KIAA2012: variants seen among roughly 807,000 people sequenced by gnomAD.
KIAA2012 encodes the protein uncharacterized protein KIAA2012.
A neutral mutation model predicts 150.6 loss-of-function variants in KIAA2012; 125 were observed. That is an observed-to-expected ratio of 0.83 (90% confidence interval 0.72 to 0.96). The LOEUF is 0.96. Among genes scored for constraint, KIAA2012 ranks in the 40% least tolerant of loss-of-function variants. The probability of loss-of-function intolerance (pLI) is 0.00; values close to 1 mark genes in which losing one functional copy is unlikely to be tolerated. For synonymous variants in KIAA2012, 462 were observed against 504.7 expected, an observed-to-expected ratio of 0.92 and a Z score of 1.13; for missense variants, 1,219 against 1,354.9, an observed-to-expected ratio of 0.90 and a Z score of 1.57.
chr2:202,196,480 C>T (rs750691505), intron 21 of KIAA2012, among the ~76,000 whole-genome samples: 3 of 151,926 alleles, frequency 2.0e-5, no homozygotes, highest in Non-Finnish European at 4.4e-5. Flanking sequence ...CAGGCGTGAG[C>T]CACCACGCCC....
At chr2:202,164,654 C>T (rs535024516) in intron 14 of KIAA2012, among the ~76,000 whole-genome samples, 1 of 152,334 alleles carries the variant, frequency 6.6e-6, no homozygotes, top group Non-Finnish European at 1.5e-5. Flanking sequence ...AGTCCTCAAC[C>T]TGCCTTCAAG....
chr2:202,099,303 G>C (rs10931991), intron 5 of KIAA2012, among the ~76,000 whole-genome samples: 3 of 152,054 alleles, frequency 2.0e-5, no homozygotes, highest in Non-Finnish European at 4.4e-5. Flanking sequence ...GAAACATTTC[G>C]TAATGGATAA....
chr2:202,173,286 T>C (rs1691930072), intron 15 of KIAA2012, among the ~76,000 whole-genome samples: 1 of 152,180 alleles, frequency 6.6e-6, no homozygotes, highest in Non-Finnish European at 1.5e-5. Context: ...AGGAAAATTA[T>C]AGGCCGGGCC....
intron 14 of KIAA2012, among the ~76,000 whole-genome samples, chr2:202,164,062 A>C (rs577772440): frequency 2.4e-4 from 37 of 152,190 alleles, no homozygotes; most frequent in African/African-American, 8.7e-4. Flanking sequence ...AACAAAGTGG[A>C]AAGGTGACTG....
rs1691333903 is a variant in KIAA2012, at chr2:202,147,871, A to C, written c.1909-6802A>C. 2.0e-5 allele frequency among the ~76,000 whole-genome samples: 3 copies of C among 152,114 alleles called. No homozygotes were observed. The East Asian group carries it at 5.8e-4, about 29-fold the overall frequency. On this transcript the variant is annotated intron_variant, in intron 13 of 23. Coordinates refer to ENST00000498697, the MANE Select transcript of KIAA2012 (RefSeq NM_001277372.4). ...TTCACCCCTCGACGTCCCATCTCCC[A>C]GTCTAAAATAGAATGTGTCATCTCT... is the stretch of plus-strand genomic sequence containing the variant.
At chr2:202,135,867 T>G in intron 12 of KIAA2012, 1 of 186,010 alleles carries the variant, frequency 5.4e-6, no homozygotes, top group Non-Finnish European at 1.2e-5. Flanking sequence ...GAGGGGAAAG[T>G]GCAAGACACT....
chr2:202,134,050 C>T (rs533358248), intron 12 of KIAA2012, among the ~76,000 whole-genome samples: 4 of 152,046 alleles, frequency 2.6e-5, no homozygotes, highest in Admixed American at 1.3e-4. Flanking sequence ...AACACAAAAC[C>T]ATGAAGTGAC....
chr2:202,110,613 T>TATATATATATAA, intron 10 of KIAA2012, among the ~76,000 whole-genome samples: 1 of 152,272 alleles, frequency 6.6e-6, no homozygotes, highest in African/African-American at 2.4e-5. Flanking sequence ...GAAAGAGGTA[T>TATATATATATAA]CTCTGTTAAC....
Position 202,109,927 on chromosome 2 carries a change from G to C in KIAA2012, c.1651+138G>C, listed in dbSNP as rs1690303216. 7.9e-6 allele frequency: 6 copies of C among 757,414 alleles called. No homozygotes were observed. In the South Asian group the frequency reaches 1.4e-4, roughly 18 times the overall value. 46.9% of individuals were successfully genotyped at this position (757,414 alleles called of 1,614,324 possible). ...GGTAATTGACACTGTTTCTGATGAT[G>C]TCAGTGGGATTAATGTTCCCCATGC... On this transcript the variant is annotated intron_variant, in intron 10 of 23. Transcript: ENST00000498697.
intron 13 of KIAA2012, among the ~76,000 whole-genome samples, chr2:202,151,490 G>C (rs1222944669): frequency 1.3e-5 from 2 of 150,212 alleles, no homozygotes; most frequent in African/African-American, 2.5e-5. Flanking sequence ...GATTCATCCA[G>C]GGCTGGCTCC....
At chr2:202,156,363 G>A (rs1386493410) in intron 14 of KIAA2012, among the ~76,000 whole-genome samples, 2 of 152,158 alleles carry the variant, frequency 1.3e-5, no homozygotes, top group African/African-American at 4.8e-5. Flanking sequence ...ACTTAGGGCT[G>A]AGAGAATTAT....
At chr2:202,187,146 T>C (rs1426530829) in intron 17 of KIAA2012, 48 bp downstream of exon 17, 2 of 1,532,810 alleles carry the variant, frequency 1.3e-6, no homozygotes, top group Admixed American at 2.0e-5. Flanking sequence ...TACTTGGATC[T>C]CATCAAGGAT....
intron 14 of KIAA2012, among the ~76,000 whole-genome samples, chr2:202,161,974 T>C (rs996547604): frequency 2.0e-5 from 3 of 152,242 alleles, no homozygotes; most frequent in East Asian, 3.8e-4. Flanking sequence ...GTTTTAATCA[T>C]GCATTTGTAA....
chr2:202,131,650 T>C (rs1369480757), intron 12 of KIAA2012, among the ~76,000 whole-genome samples: 1 of 152,118 alleles, frequency 6.6e-6, no homozygotes, highest in Non-Finnish European at 1.5e-5. Flanking sequence ...GAGAAGGCTT[T>C]TGGAAGGAGA....
intron 12 of KIAA2012, among the ~76,000 whole-genome samples, chr2:202,132,700 A>ATATATATGTATATATGTATATATATAG (rs1690966463): frequency 2.0e-5 from 2 of 99,266 alleles, no homozygotes; most frequent in South Asian, 3.4e-4. Flanking sequence ...ATGTATGTAT[A>ATATATATGTATATATGTATATATATAG]TATATATGTA....
At chr2:202,192,535 G>A (rs1240769153) in intron 19 of KIAA2012, among the ~76,000 whole-genome samples, 1 of 143,574 alleles carries the variant, frequency 7.0e-6, no homozygotes, top group Non-Finnish European at 1.5e-5. Context: ...TCGGCTCACC[G>A]CAACCTCTGC....
At chr2:202,081,839 G>A (rs1278673769) in intron 2 of KIAA2012, among the ~76,000 whole-genome samples, 1 of 152,106 alleles carries the variant, frequency 6.6e-6, no homozygotes, top group East Asian at 1.9e-4. Context: ...GAGCCACTGT[G>A]CCTGGCCTTA....
In KIAA2012 at chr2:202,073,573, T is replaced by C; in HGVS notation, c.-55T>C. The C allele has an allele frequency of 6.7e-7, 1 of 1,492,538 alleles. No homozygotes were observed. The highest frequency in any genetic ancestry group is 9.1e-7 in the Non-Finnish European group (1 of 1,097,226). The allele number at this position is 1,492,538 out of a possible 1,614,324, so 92.5% of individuals were successfully genotyped here. On this transcript the variant is annotated 5_prime_UTR_variant, in exon 1 of 24. Transcript: ENST00000498697. ...GGAAATCTTGAGGTGTGACCAGATT[T>C]CAGCCTTCAAAACCAAGATGGACTG...
chr2:202,200,462 A>G (rs143088087), intron 22 of KIAA2012, among the ~76,000 whole-genome samples: 1 of 152,222 alleles, frequency 6.6e-6, no homozygotes, highest in Non-Finnish European at 1.5e-5. Context: ...GAGGATCCTT[A>G]TGAAAGACTA....
Sources: gnomAD v4.1 joint callset for allele counts (sites outside exome capture counted in the v4.1 genomes callset) on GRCh38, gnomAD v4.1.1 for gene constraint, MANE v1.5 for transcripts, NCBI Gene and HGNC (gene_info 2026-07-23, HGNC 2026-07-21) for gene names.